Variants in DISP3 observed in about 807,000 individuals in gnomAD.
DISP3 encodes the protein protein dispatched homolog 3.
Under a neutral mutation model 135.3 loss-of-function variants are expected in DISP3, and 101 were observed. The ratio of observed to expected loss-of-function variants is 0.75; its 90% CI spans 0.64 to 0.88. The LOEUF (loss-of-function observed/expected upper bound fraction) is 0.88, where lower values mean the gene tolerates loss of function less well. Ranked by LOEUF, DISP3 falls within the 40% of genes least tolerant of loss-of-function variation. The pLI is 0.00. For missense variants in DISP3, 1,713 were observed against 1,878.6 expected, an observed-to-expected ratio of 0.91 and a Z score of 1.63; for synonymous variants, 856 against 817.0, an observed-to-expected ratio of 1.05 and a Z score of -0.81.
intron 1 of DISP3, 29 bp from the exon 2 acceptor site, chr1:11,500,961 A>G (rs1570084829): frequency 1.2e-6 from 2 of 1,610,580 alleles, no homozygotes; most frequent in East Asian, 4.5e-5. Context: ...CTGTCTCTCT[A>G]GCCTGCTGAC....
intron 1 of DISP3, among the ~76,000 whole-genome samples, chr1:11,492,809 C>G (rs555605390): frequency 6.6e-6 from 1 of 152,224 alleles, no homozygotes; most frequent in South Asian, 2.1e-4. Context: ...GGAAAGAGCT[C>G]AGACAAGTGT....
At chr1:11,497,263 A>C (rs1246653871) in intron 1 of DISP3, among the ~76,000 whole-genome samples, 1 of 152,080 alleles carries the variant, frequency 6.6e-6, no homozygotes, top group East Asian at 1.9e-4. Context: ...TGGTTACATA[A>C]GTTCTTTAGT....
Position 11,499,175 on chromosome 1 carries a change from G to A in DISP3, c.-3-1815G>A, listed in dbSNP as rs186971448. On this transcript the variant is annotated intron_variant, in intron 1 of 20. Coordinates refer to ENST00000294484, the MANE Select transcript of DISP3 (RefSeq NM_020780.2). The surrounding 1 kb of genome is among the most constrained non-coding windows in gnomAD (Gnocchi z 5.2). ...TCAAGGGGCCTTCAGATCACCCAAGGAGTGTTGCTGTGACCCAGAATCCTG... is the reference window on the plus strand; with the variant it reads ...TCAAGGGGCCTTCAGATCACCCAAGAAGTGTTGCTGTGACCCAGAATCCTG... 6.6e-6 allele frequency among the ~76,000 whole-genome samples: 1 copy of A among 152,262 alleles called. No individual in the cohort carries two copies. The highest frequency in any genetic ancestry group is 2.4e-5 in the African/African-American group (1 of 41,552).
chr1:11,526,883 C>G (rs1642436244), intron 13 of DISP3, 48 bp downstream of exon 13: 1 of 1,561,488 alleles, frequency 6.4e-7, no homozygotes, highest in African/African-American at 1.4e-5. Context: ...CCGGCTGCTT[C>G]TTTGCCCTTT....
At position 11,501,768 on chromosome 1, in the gene DISP3, C is replaced by T. The variant is rs778529938; in HGVS notation, c.776C>T (p.Ser259Leu). 6.3e-7 allele frequency: 1 copy of T among 1,593,682 alleles called. No homozygotes were observed. Among genetic ancestry groups the T allele is most frequent in the Non-Finnish European group, 8.6e-7 (1 of 1,168,200 alleles). The change falls in exon 2 of 21, where the codon TCG (serine) becomes TTG (leucine). Residue 259 changes from serine (S) to leucine (L), a missense_variant. By Grantham distance (145) the Ser-to-Leu change is moderately radical. Transcript: ENST00000294484. This position sits in a 1 kb window ranked among gnomAD's most constrained non-coding sequence, Gnocchi z 4.9. The stretch of plus-strand genomic sequence containing the variant: ...CGAGGCGCCTCGCGCTGGGACTACT[C>T]GCGCGCCTATGTGAGTGCCAACACT... ...ARRGASRWDY[S>L]RAYVSANTQT...
intron 3 of DISP3, among the ~76,000 whole-genome samples, chr1:11,510,609 T>TTTCAGTGTTTTTTATTTC (rs59899154): frequency 3.3e-5 from 5 of 151,930 alleles, no homozygotes; most frequent in Non-Finnish European, 5.9e-5. Flanking sequence ...TCATTACCAT[T>TTTCAGTGTTTTTTATTTC]TTTGTATAGA....
At chr1:11,489,648 C>A (rs570726474) in intron 1 of DISP3, among the ~76,000 whole-genome samples, 1 of 152,192 alleles carries the variant, frequency 6.6e-6, no homozygotes, top group Non-Finnish European at 1.5e-5. Context: ...ATTTAGAGAG[C>A]ATCTCTTCCC....
At chr1:11,500,327 G>A (rs1413598410) in intron 1 of DISP3, among the ~76,000 whole-genome samples, 2 of 152,258 alleles carry the variant, frequency 1.3e-5, no homozygotes, top group Non-Finnish European at 2.9e-5. Context: ...CGGGAGCAGG[G>A]AAATCTGCTT....
chr1:11,490,758 G>A (rs113194687), intron 1 of DISP3, among the ~76,000 whole-genome samples: 22 of 152,234 alleles, frequency 1.4e-4, no homozygotes, highest in African/African-American at 4.8e-4. Context: ...TGGCTAAAAG[G>A]ATGGGCTCTG....
chr1:11,498,550 T>C, intron 1 of DISP3, among the ~76,000 whole-genome samples: 1 of 152,296 alleles, frequency 6.6e-6, no homozygotes, highest in South Asian at 2.1e-4. Context: ...TGAATCTGGG[T>C]GGGCTGGTGA....
chr1:11,517,894 A>G (rs1394059116), intron 7 of DISP3, among the ~76,000 whole-genome samples: 1 of 152,166 alleles, frequency 6.6e-6, no homozygotes, highest in Non-Finnish European at 1.5e-5. Context: ...ATAGAAAACA[A>G]TGACTCAGGG....
chr1:11,514,001 C>T (rs1379237441), intron 3 of DISP3, among the ~76,000 whole-genome samples: 1 of 151,536 alleles, frequency 6.6e-6, no homozygotes, highest in African/African-American at 2.4e-5. Context: ...CATTGAATAG[C>T]AGTGTAAAAC....
Position 11,493,954 on chromosome 1 carries a change from G to A in DISP3, c.-3-7036G>A, listed in dbSNP as rs572116946. 1.2e-4 allele frequency among the ~76,000 whole-genome samples: 19 copies of A among 152,348 alleles called. 1 individual carries two copies. Among genetic ancestry groups the A allele is most frequent in the Admixed American group, 1.0e-3 (16 of 15,308 alleles). On this transcript the variant is annotated intron_variant, in intron 1 of 20. Transcript: ENST00000294484. ...GCTGAAAGCAGAATTGCCAGGCCCC[G>A]AGTGATCTGTGGTCTTATGGGGATG...
In DISP3 at chr1:11,519,587, G is replaced by A. The variant is rs1215331690; in HGVS notation, c.2038+84G>A. 6.3e-7 allele frequency: 1 copy of A among 1,579,496 alleles called. No homozygotes were observed. The highest frequency in any genetic ancestry group is 8.6e-7 in the Non-Finnish European group (1 of 1,161,016). On this transcript the variant is annotated intron_variant, in intron 8 of 20. Transcript: ENST00000294484. This position sits in a 1 kb window ranked among gnomAD's most constrained non-coding sequence, Gnocchi z 4.3. ...CAGGGGAGTAACACTTGACAAGTTG[G>A]TCCTGAGGCTGGGGGCCGGACAAGA...
intron 5 of DISP3, 40 bp downstream of exon 5, chr1:11,515,543 T>A: frequency 1.6e-5 from 25 of 1,565,554 alleles, no homozygotes; most frequent in Non-Finnish European, 2.2e-5. Context: ...GCCTCCCACA[T>A]GGGAAGTCTG....
intron 15 of DISP3, among the ~76,000 whole-genome samples, 160 bp downstream of exon 15, chr1:11,530,119 G>A (rs534640852): frequency 2.0e-5 from 3 of 152,284 alleles, no homozygotes; most frequent in African/African-American, 4.8e-5. Flanking sequence ...CTGGGGGTCC[G>A]GTTTTTCTTG....
At chr1:11,480,217 G>C (rs1640858970) in intron 1 of DISP3, among the ~76,000 whole-genome samples, 1 of 152,160 alleles carries the variant, frequency 6.6e-6, no homozygotes, top group African/African-American at 2.4e-5. Flanking sequence ...CCCACTCACT[G>C]CGAGACTGCG....
At position 11,536,862 on chromosome 1, in the gene DISP3, G is replaced by A. The variant is rs1360690056; in HGVS notation, c.*176G>A. ...GTGGACCATGCTGCCTTGTGGAGCT[G>A]GGAGTTGGAGACAGCCGCCACCCCA... On this transcript the variant is annotated 3_prime_UTR_variant, in exon 21 of 21. Coordinates refer to ENST00000294484, the MANE Select transcript of DISP3 (RefSeq NM_020780.2). The surrounding 1 kb of genome is among the most constrained non-coding windows in gnomAD (Gnocchi z 4.3). 4 of 925,690 alleles carry A rather than the reference G, an allele frequency of 4.3e-6. No individual in the cohort carries two copies. In the Admixed American group the frequency reaches 1.3e-4, roughly 29 times the overall value. 57.3% of individuals were successfully genotyped at this position (925,690 alleles called of 1,614,324 possible). A position where few individuals can be genotyped will look rare whatever the true frequency, so the allele number is the denominator to read the frequency against.
intron 1 of DISP3, among the ~76,000 whole-genome samples, chr1:11,492,726 C>A (rs2100378305): frequency 6.6e-6 from 1 of 152,360 alleles, no homozygotes; most frequent in East Asian, 1.9e-4. Flanking sequence ...GCTTCAGCTG[C>A]AGCCACAAAG....
Sources: gnomAD v4.1 joint callset for allele counts (sites outside exome capture counted in the v4.1 genomes callset) on GRCh38, gnomAD v4.1.1 for gene constraint, Gnocchi (gnomAD v3.1) non-coding constraint, MANE v1.5 for transcripts, NCBI Gene and HGNC (gene_info 2026-07-23, HGNC 2026-07-21) for gene names.